The following PCBP3 variants were observed in gnomAD, a reference collection of about 807,000 sequenced individuals.
The protein encoded by PCBP3 is poly(rC) binding protein 3.
In PCBP3, 25 loss-of-function variants were observed where a neutral mutation model predicts 52.7. The ratio of observed to expected loss-of-function variants is 0.47; its 90% confidence interval spans 0.35 to 0.66. The LOEUF (loss-of-function observed/expected upper bound fraction) is 0.66, where lower values mean the gene tolerates loss of function less well. PCBP3 is among the 30% of genes least tolerant of loss of function. The pLI is 0.01. For missense variants in PCBP3, 391 were observed against 490.3 expected (o/e 0.80, Z 1.91); for synonymous variants, 162 against 183.0 (o/e 0.89, Z 0.93).
chr21:45,848,491 T>C (rs1281043368), intron 4 of PCBP3: 1 of 152,342 alleles, frequency 6.6e-6, no homozygotes, highest in Non-Finnish European at 1.5e-5. Flanking sequence ...GATTTAGTTC[T>C]AGGGAGTCAG....
intron 4 of PCBP3, among the ~76,000 whole-genome samples, chr21:45,777,328 C>T (rs1165849175): frequency 1.3e-5 from 2 of 152,048 alleles, no homozygotes; most frequent in Non-Finnish European, 2.9e-5. Context: ...AGATGCTTTT[C>T]TCTTGATGTT....
At chr21:45,799,569 G>A (rs1029178910) in intron 4 of PCBP3, among the ~76,000 whole-genome samples, 21 of 152,260 alleles carry the variant, frequency 1.4e-4, no homozygotes, top group Non-Finnish European at 2.6e-4. Context: ...TCTTGGATAA[G>A]GGGGGAGGGC....
At chr21:45,779,627 T>C (rs1306758831) in intron 4 of PCBP3, among the ~76,000 whole-genome samples, 1 of 152,168 alleles carries the variant, frequency 6.6e-6, no homozygotes, top group African/African-American at 2.4e-5. Flanking sequence ...TTTAATAACA[T>C]TAGAAATCTA....
intron 5 of PCBP3, among the ~76,000 whole-genome samples, chr21:45,891,184 A>G (rs4819164): frequency 0.47 from 62,278 of 131,152 alleles, 17,533 homozygotes; most frequent in African/African-American, 0.69. Flanking sequence ...GCCGTGCCGC[A>G]GTCTTGAACA....
chr21:45,773,801 A>G (rs1325862365), intron 4 of PCBP3, among the ~76,000 whole-genome samples: 4 of 152,038 alleles, frequency 2.6e-5, no homozygotes, highest in African/African-American at 9.7e-5. Flanking sequence ...TAGGGCTTGC[A>G]TTGAATCTGT....
At chr21:45,926,508 G>T (rs1253681342) in intron 13 of PCBP3, among the ~76,000 whole-genome samples, 1 of 152,178 alleles carries the variant, frequency 6.6e-6, no homozygotes. Context: ...TATGTCAAAC[G>T]GTGTGGTTTT....
At chr21:45,812,045 A>G (rs2092699461) in intron 4 of PCBP3, among the ~76,000 whole-genome samples, 1 of 152,072 alleles carries the variant, frequency 6.6e-6, no homozygotes, top group African/African-American at 2.4e-5. Context: ...TTAATATACA[A>G]TTTTATCATT....
intron 4 of PCBP3, among the ~76,000 whole-genome samples, chr21:45,820,383 T>C (rs1381904587): frequency 1.3e-5 from 2 of 152,216 alleles, no homozygotes; most frequent in African/African-American, 4.8e-5. Flanking sequence ...CACCCACGGA[T>C]AGGAGTGCCA....
rs969792111 is a variant in PCBP3 at position 45,656,001 on chromosome 21, T to C, written c.-279+12133T>C. 1.4e-4 allele frequency among the ~76,000 whole-genome samples: 22 copies of C among 152,186 alleles called. No homozygotes were observed. The highest frequency in any genetic ancestry group is 1.3e-4 in the Admixed American group (2 of 15,282). On this transcript the variant is annotated intron_variant, in intron 1 of 17. Coordinates refer to ENST00000681687, the MANE Select transcript of PCBP3 (RefSeq NM_001384156.1). This position sits in a 1 kb window ranked among gnomAD's most constrained non-coding sequence, Gnocchi z 4.3. The stretch of plus-strand genomic sequence containing the variant: ...TAAAAAGTCAGGAAACAACAGATGC[T>C]GGAGAGGATGTGGAGAAATAGGAAA...
intron 2 of PCBP3, among the ~76,000 whole-genome samples, chr21:45,674,457 C>T (rs2081348321): frequency 6.6e-6 from 1 of 152,164 alleles, no homozygotes; most frequent in South Asian, 2.1e-4. Context: ...AGTAAATCAC[C>T]CAATACCAAC....
chr21:45,653,355 A>C (rs2146883235), intron 1 of PCBP3, among the ~76,000 whole-genome samples: 1 of 152,098 alleles, frequency 6.6e-6, no homozygotes, highest in South Asian at 2.1e-4. Flanking sequence ...GATTTGTCTT[A>C]TTTTTTCTAG....
intron 2 of PCBP3, among the ~76,000 whole-genome samples, chr21:45,697,790 C>T (rs1407907112): frequency 6.6e-6 from 1 of 152,056 alleles, no homozygotes; most frequent in African/African-American, 2.4e-5. Context: ...GAATTATTCT[C>T]CTACTTATCT....
At chr21:45,787,640 G>T (rs1329018312) in intron 4 of PCBP3, among the ~76,000 whole-genome samples, 1 of 152,152 alleles carries the variant, frequency 6.6e-6, no homozygotes. Context: ...CCCCCTGCTT[G>T]GGCCCTGGTG....
intron 12 of PCBP3, chr21:45,916,055 C>T (rs937615745): frequency 6.6e-6 from 1 of 152,300 alleles, no homozygotes; most frequent in African/African-American, 2.4e-5. Context: ...CAGCCACCAC[C>T]GCGTTTCTAG....
intron 3 of PCBP3, among the ~76,000 whole-genome samples, chr21:45,740,441 C>T (rs1477619230): frequency 6.6e-6 from 1 of 152,220 alleles, no homozygotes; most frequent in East Asian, 1.9e-4. Flanking sequence ...CCTCTGCTTC[C>T]TCTTAAAAGC....
intron 2 of PCBP3, among the ~76,000 whole-genome samples, chr21:45,732,518 T>C (rs1437111621): frequency 6.6e-6 from 1 of 151,734 alleles, no homozygotes; most frequent in Non-Finnish European, 1.5e-5. Context: ...TTTTTTTTTT[T>C]ACATAATTTG....
intron 4 of PCBP3, among the ~76,000 whole-genome samples, chr21:45,838,236 C>T (rs1381363000): frequency 6.6e-6 from 1 of 152,176 alleles, no homozygotes; most frequent in African/African-American, 2.4e-5. Flanking sequence ...TTTCTTTACT[C>T]AAACTGTTCT....
chr21:45,785,660 A>G (rs1352557403), intron 4 of PCBP3, among the ~76,000 whole-genome samples: 1 of 152,226 alleles, frequency 6.6e-6, no homozygotes, highest in Non-Finnish European at 1.5e-5. Context: ...AGAATGGGCC[A>G]TGATGACAGT....
In PCBP3 at chr21:45,928,189, A is replaced by G. The variant is rs1038579114; in HGVS notation, c.718-1728A>G. 2.6e-5 allele frequency among the ~76,000 whole-genome samples: 4 copies of G among 152,096 alleles called. No individual in the cohort carries two copies. The highest frequency in any genetic ancestry group is 7.2e-5 in the African/African-American group (3 of 41,416). On this transcript the variant is annotated intron_variant, in intron 13 of 17. Coordinates refer to ENST00000681687, the MANE Select transcript of PCBP3 (RefSeq NM_001384156.1). This position sits in a 1 kb window ranked among gnomAD's most constrained non-coding sequence, Gnocchi z 4.1. ...CTCCGGGAGGTAGACTGTCCCGGTG[A>G]CTTCAGCTGGTGTCCTTGGGACAGG...
Sources: gnomAD v4.1 joint callset for allele counts (sites outside exome capture counted in the v4.1 genomes callset) on GRCh38, gnomAD v4.1.1 for gene constraint, Gnocchi (gnomAD v3.1) non-coding constraint, MANE v1.5 for transcripts, NCBI Gene and HGNC (gene_info 2026-07-23, HGNC 2026-07-21) for gene names.